Variants in ABCA13 observed in about 807,000 individuals in gnomAD.
The protein encoded by ABCA13 is ATP binding cassette subfamily A member 13, also known as ATP-binding cassette sub-family A member 13.
ABCA13 carries 476 observed loss-of-function variants against 478.7 expected under a neutral mutation model. The ratio of observed to expected loss-of-function variants is 0.99; its 90% CI spans 0.92 to 1.07. The LOEUF (loss-of-function observed/expected upper bound fraction) is 1.07. Ranked by LOEUF, ABCA13 falls within the 50% of genes least tolerant of loss-of-function variation. ABCA13 has a pLI of 0.00. For missense variants in ABCA13, 6,060 were observed against 5,910.6 expected (o/e 1.03, Z -0.83); for synonymous variants, 2,252 against 2,158.9 (o/e 1.04, Z -1.20).
chr7:48,520,348 G>C, intron 53 of ABCA13, 54 bp downstream of exon 53: 2 of 1,513,244 alleles, frequency 1.3e-6, no homozygotes, highest in Non-Finnish European at 1.8e-6. Context: ...AAAATGAGAG[G>C]AAGAGAAAAA....
At position 48,385,373 on chromosome 7, in the gene ABCA13, C is replaced by T. The variant is rs535721063; in HGVS notation, c.11336-2449C>T. ...TTCATGTGTTCTCATCATTCAGCTCCCACTTATAAGTGAGAACATGCAGTA... is the reference window on the plus strand; with the variant it reads ...TTCATGTGTTCTCATCATTCAGCTCTCACTTATAAGTGAGAACATGCAGTA... On this transcript the variant is annotated intron_variant, in intron 35 of 61. Coordinates refer to ENST00000435803, the MANE Select transcript of ABCA13 (RefSeq NM_152701.5). Among the ~76,000 whole-genome samples the T allele has an allele frequency of 3.9e-5, 6 of 152,240 alleles. No homozygotes were observed. The East Asian group carries it at 1.2e-3, about 29-fold the overall frequency.
chr7:48,389,194 A>T lies in ABCA13; in HGVS notation c.11628A>T (p.Thr3876=). 1.2e-6 allele frequency: 2 copies of T among 1,613,708 alleles called. No individual in the cohort carries two copies. Among genetic ancestry groups the T allele is most frequent in the South Asian group, 2.2e-5 (2 of 91,040 alleles). ...YRDQITALLG[T]NGAGKTTIIS... The stretch of plus-strand genomic sequence containing the variant: ...ACCAAATCACCGCCCTGCTGGGGAC[A>T]AACGGTGCCGGGAAAACCACTATCA... The change falls in exon 37 of 62, where the codon ACA becomes ACT. Residue 3876 remains threonine, a synonymous_variant. Transcript: ENST00000435803.
intron 54 of ABCA13, among the ~76,000 whole-genome samples, chr7:48,524,982 A>G (rs1441014274): frequency 6.6e-6 from 1 of 152,220 alleles, no homozygotes; most frequent in Non-Finnish European, 1.5e-5. Context: ...AAGGGAAATC[A>G]GTTCTGGAAG....
intron 53 of ABCA13, among the ~76,000 whole-genome samples, chr7:48,522,087 CGT>C (rs1197047645): frequency 1.3e-5 from 2 of 152,122 alleles, no homozygotes; most frequent in East Asian, 3.9e-4. Context: ...ATGCCTTCTC[CGT>C]GTTTCTGTTA....
rs201035977 is a variant in ABCA13, at chr7:48,272,662, T to C, written c.2996T>C (p.Ile999Thr). The change falls in exon 17 of 62, where the codon ATA becomes ACA. Residue 999 changes from isoleucine to threonine, a missense_variant. Ile to Thr is a moderately conservative substitution (Grantham distance 89). Around this residue, in one of 3 missense-constraint regions of ABCA13, gnomAD observed 4,423 missense variants for 4,309.1 expected, o/e 1.03. Transcript: ENST00000435803. ...TQISKHILDI[I>T]KQFNFQNISK... Reference sequence around the variant, plus strand: ...ATCTCAAAACACATTTTGGATATCATAAAACAATTTAATTTCCAAAACATC... The same window carrying C: ...ATCTCAAAACACATTTTGGATATCACAAAACAATTTAATTTCCAAAACATC... 9 of 1,612,978 alleles carry C rather than the reference T, an allele frequency of 5.6e-6. No individual in the cohort carries two copies. The Admixed American group carries it at 1.5e-4, about 27-fold the overall frequency.
chr7:48,270,396 TTAG>T (rs3065591), intron 16 of ABCA13, among the ~76,000 whole-genome samples: 41,042 of 151,996 alleles, frequency 0.27, 6,248 homozygotes, highest in Non-Finnish European at 0.36. Context: ...AATAATACTA[TTAG>T]TAGTACTACT....
Position 48,412,487 on chromosome 7 carries a change from C to A in ABCA13, c.12363C>A (p.Asp4121Glu), listed in dbSNP as rs1819402416. The change falls in exon 41 of 62, where the codon GAC becomes GAA. Residue 4121 changes from aspartate to glutamate, a missense_variant. Physicochemically the swap from Asp to Glu is conservative, Grantham distance 45 (BLOSUM62 2). This residue lies in a region of ABCA13 where 1,627 missense variants were observed against 1,571.0 expected (regional missense o/e 1.04). Coordinates refer to ENST00000435803, the MANE Select transcript of ABCA13 (RefSeq NM_152701.5). ...ELTYTIPKDT[D>E]KACLKGLFQA... Reference sequence around the variant, plus strand: ...CCTACACCATTCCAAAGGACACAGACAAGGCCTGCTTGAAAGGGCTCTTCC... The same window carrying A: ...CCTACACCATTCCAAAGGACACAGAAAAGGCCTGCTTGAAAGGGCTCTTCC... 1.2e-6 allele frequency: 2 copies of A among 1,613,644 alleles called. No homozygotes were observed. Among genetic ancestry groups the A allele is most frequent in the Non-Finnish European group, 1.7e-6 (2 of 1,179,846 alleles).
intron 42 of ABCA13, among the ~76,000 whole-genome samples, chr7:48,442,536 A>G (rs1374268671): frequency 6.6e-6 from 1 of 152,230 alleles, no homozygotes; most frequent in African/African-American, 2.4e-5. Context: ...GGCTCAATAT[A>G]CATAAATCAT....
chr7:48,335,327 C>A, intron 27 of ABCA13, 95 bp from the exon 28 acceptor site: 1 of 796,482 alleles, frequency 1.3e-6, no homozygotes, highest in Non-Finnish European at 1.9e-6. Context: ...CAGATCTTTG[C>A]TCTGGTGGCC....
chr7:48,608,740 G>C (rs921790869), intron 58 of ABCA13, among the ~76,000 whole-genome samples: 2 of 152,230 alleles, frequency 1.3e-5, no homozygotes, highest in African/African-American at 4.8e-5. Context: ...CCTATGGCTG[G>C]AATGCCACTG....
At chr7:48,521,566 C>T (rs1230918569) in intron 53 of ABCA13, among the ~76,000 whole-genome samples, 1 of 152,032 alleles carries the variant, frequency 6.6e-6, no homozygotes, top group African/African-American at 2.4e-5. Context: ...GCAGAGTGCC[C>T]TTTAAACATA....
At chr7:48,367,615 T>C (rs932071629) in intron 31 of ABCA13, among the ~76,000 whole-genome samples, 179 bp from the exon 32 acceptor site, 4 of 152,114 alleles carry the variant, frequency 2.6e-5, no homozygotes, top group Non-Finnish European at 5.9e-5. Flanking sequence ...CTTCATGAAT[T>C]TGCATACCTA....
intron 6 of ABCA13, among the ~76,000 whole-genome samples, chr7:48,228,746 T>C (rs1195695988): frequency 2.0e-5 from 3 of 152,250 alleles, no homozygotes; most frequent in Non-Finnish European, 4.4e-5. Flanking sequence ...GGAACGTATT[T>C]TGATAGTTAG....
chr7:48,362,413 T>C (rs1404321994), intron 31 of ABCA13, among the ~76,000 whole-genome samples: 21 of 148,266 alleles, frequency 1.4e-4, no homozygotes, highest in Admixed American at 4.0e-4. Flanking sequence ...CTTCTTCTTT[T>C]TTTTTTTTTT....
chr7:48,416,571 G>A (rs898873936), intron 41 of ABCA13, among the ~76,000 whole-genome samples: 14 of 152,170 alleles, frequency 9.2e-5, no homozygotes, highest in South Asian at 6.2e-4. Flanking sequence ...AGTGCAGCGC[G>A]TGACACACAG....
intron 37 of ABCA13, among the ~76,000 whole-genome samples, chr7:48,390,414 CTA>C (rs1361716303): frequency 2.6e-5 from 4 of 152,170 alleles, no homozygotes; most frequent in African/African-American, 9.7e-5. Context: ...TGTGTATAAA[CTA>C]TTTTATAGTA....
At chr7:48,506,487 C>T in intron 49 of ABCA13, 97 bp downstream of exon 49, 1 of 1,357,694 alleles carries the variant, frequency 7.4e-7, no homozygotes, top group Non-Finnish European at 1.0e-6. Context: ...TTGCATTTGC[C>T]CCAAGAGATG....
At position 48,326,281 on chromosome 7, in the gene ABCA13, C is replaced by G. The variant is rs531780862; in HGVS notation, c.9999+8985C>G. The stretch of plus-strand genomic sequence containing the variant: ...CAAAGCTTAACAGTGTATCAACTGG[C>G]AAGGGAGAATGTCTAAAAGGCCCAA... On this transcript the variant is annotated intron_variant, in intron 27 of 61. Coordinates refer to ENST00000435803, the MANE Select transcript of ABCA13 (RefSeq NM_152701.5). 2.6e-5 allele frequency among the ~76,000 whole-genome samples: 4 copies of G among 152,204 alleles called. No homozygotes were observed. The South Asian group carries it at 8.3e-4, about 32-fold the overall frequency.
chr7:48,221,188 A>G, intron 4 of ABCA13, 93 bp from the exon 5 acceptor site: 1 of 632,886 alleles, frequency 1.6e-6, no homozygotes, highest in Non-Finnish European at 2.8e-6. Flanking sequence ...GCTCTTGGAT[A>G]CTCCATTTGA....
Sources: gnomAD v4.1 joint callset for allele counts (sites outside exome capture counted in the v4.1 genomes callset) on GRCh38, gnomAD v4.1.1 for gene constraint, gnomAD v4.1.1 regional missense constraint, MANE v1.5 for transcripts, NCBI Gene and HGNC (gene_info 2026-07-23, HGNC 2026-07-21) for gene names.